The following CCP110 variants were observed in gnomAD, a reference collection of about 807,000 sequenced individuals.
CCP110 encodes centriolar coiled-coil protein 110.
Under a neutral mutation model 105.5 loss-of-function variants are expected in CCP110, and 43 were observed. That is an observed-to-expected ratio of 0.41 (90% CI 0.32 to 0.53). CCP110 has a LOEUF of 0.53. Among genes scored for constraint, CCP110 ranks in the 20% least tolerant of loss-of-function variants. The probability of loss-of-function intolerance (pLI) is 0.32; values close to 1 mark genes in which losing one functional copy is unlikely to be tolerated. For missense variants in CCP110, 1,016 were observed against 1,189.1 expected, an observed-to-expected ratio of 0.85 and a Z score of 2.14; for synonymous variants, 353 against 392.1, an observed-to-expected ratio of 0.90 and a Z score of 1.18.
rs919996336 is a variant in CCP110, at chr16:19,543,009, A to C, written c.2484+15A>C. 7.4e-7 allele frequency: 1 copy of C among 1,351,858 alleles called. No individual in the cohort carries two copies. Among genetic ancestry groups the C allele is most frequent in the Non-Finnish European group, 1.1e-6 (1 of 944,880 alleles). 83.7% of individuals were successfully genotyped at this position (1,351,858 alleles called of 1,614,324 possible). A position where few individuals can be genotyped will look rare whatever the true frequency, so the allele number is the denominator to read the frequency against. ...AAACTGTAAAAGTAAGATTCCTGTA[A>C]ATCGTTTGTATTTCACTTCTGTCTT... On this transcript the variant is annotated intron_variant, in intron 8 of 14. Coordinates refer to ENST00000381396, the Ensembl canonical transcript of CCP110.
intron 2 of CCP110, 113 bp from the exon 3 acceptor site, chr16:19,532,303 C>G: frequency 1.3e-6 from 1 of 782,080 alleles, no homozygotes; most frequent in East Asian, 2.9e-5. Context: ...ATTTCTTTCA[C>G]TATACATTAG....
chr16:19,537,192 A>T, exon 4 of CCP110: 2 of 1,614,188 alleles, frequency 1.2e-6, no homozygotes, highest in Non-Finnish European at 1.7e-6. Context: ...CATGAACCAT[A>T]TGCCAGCAGT....
rs372913262 is a variant in CCP110 at position 19,536,288 on chromosome 16, G to A, written c.619G>A (p.Val207Ile). Reference sequence around the variant, plus strand: ...TCTTATTTCTGATGGTCCCTTCTCAGTAAATGAACAACAGGATCTACCACT... The same window carrying A: ...TCTTATTTCTGATGGTCCCTTCTCAATAAATGAACAACAGGATCTACCACT... The change falls in exon 4 of 15, where the codon GTA becomes ATA. Residue 207 changes from valine to isoleucine, a missense_variant. Val to Ile is a conservative substitution (Grantham distance 29). Coordinates refer to ENST00000381396, the Ensembl canonical transcript of CCP110. 31 of 1,613,356 alleles carry A rather than the reference G, an allele frequency of 1.9e-5. No homozygotes were observed. The African/African-American group carries it at 3.9e-4, about 20-fold the overall frequency.
At chr16:19,549,390 A>G (rs945715204) in intron 14 of CCP110, among the ~76,000 whole-genome samples, 9 of 152,232 alleles carry the variant, frequency 5.9e-5, no homozygotes, top group African/African-American at 2.2e-4. Flanking sequence ...TTCCATTAAT[A>G]TACAATTAGG....
chr16:19,543,332 T>A (rs1419831066), intron 8 of CCP110, among the ~76,000 whole-genome samples: 1 of 152,232 alleles, frequency 6.6e-6, no homozygotes, highest in Admixed American at 6.5e-5. Flanking sequence ...CATTTATCAG[T>A]TCCCAAAATT....
At chr16:19,532,643 T>C (rs753716596) in intron 3 of CCP110, 99 bp downstream of exon 3, 1 of 911,738 alleles carries the variant, frequency 1.1e-6, no homozygotes, top group Non-Finnish European at 1.7e-6. Flanking sequence ...TAATTACTAA[T>C]GTACTTTACT....
intron 14 of CCP110, among the ~76,000 whole-genome samples, chr16:19,550,532 A>G (rs1471829896): frequency 6.6e-6 from 1 of 152,164 alleles, no homozygotes; most frequent in Non-Finnish European, 1.5e-5. Flanking sequence ...GAACACAGGA[A>G]CTCACTGTCG....
chr16:19,539,190 C>T (rs1302893108), intron 4 of CCP110, among the ~76,000 whole-genome samples: 5 of 151,736 alleles, frequency 3.3e-5, no homozygotes, highest in Admixed American at 1.3e-4. Flanking sequence ...TATCCATTAA[C>T]AGCAATTTAT....
intron 12 of CCP110, chr16:19,546,815 C>CA (rs11362495): frequency 0.013 from 1,251 of 100,002 alleles, 8 homozygotes; most frequent in Middle Eastern, 0.051. Flanking sequence ...AACTCTATCT[C>CA]AAAAAAAAAA....
intron 4 of CCP110, 68 bp downstream of exon 4, chr16:19,537,655 ATTTTTGGG>A: frequency 2.2e-6 from 2 of 906,892 alleles, no homozygotes; most frequent in Non-Finnish European, 3.3e-6. Flanking sequence ...CTTAATTGAC[ATTTTTGGG>A]AAAAAAGTGG....
chr16:19,553,055 A>G (rs1597287492), exon 15 of CCP110: 1 of 152,352 alleles, frequency 6.6e-6, no homozygotes, highest in East Asian at 1.9e-4. Flanking sequence ...CCAGTAAGAA[A>G]GATGCTAAAA....
At chr16:19,541,334 T>G (rs527413640) in intron 5 of CCP110, among the ~76,000 whole-genome samples, 7 of 151,828 alleles carry the variant, frequency 4.6e-5, no homozygotes, top group Non-Finnish European at 1.0e-4. Context: ...CTATACATTA[T>G]CACATATTAA....
intron 3 of CCP110, among the ~76,000 whole-genome samples, chr16:19,534,947 C>T (rs1309719338): frequency 7.6e-6 from 1 of 132,222 alleles, no homozygotes; most frequent in Non-Finnish European, 1.5e-5. Context: ...GTGACGTGAT[C>T]TTGGCTCACT....
intron 11 of CCP110, 23 bp downstream of exon 11, chr16:19,545,913 TGTTA>T: frequency 1.5e-6 from 2 of 1,369,602 alleles, no homozygotes; most frequent in Non-Finnish European, 2.1e-6. Flanking sequence ...TATCATGTCA[TGTTA>T]GTTATCAAAC....
exon 15 of CCP110, chr16:19,553,103 TA>T (rs1211351317): frequency 6.6e-6 from 1 of 152,234 alleles, no homozygotes; most frequent in Admixed American, 6.5e-5. Context: ...GCAAATTAGT[TA>T]AAACAAATAG....
chr16:19,544,870 C>T, exon 9 of CCP110: 1 of 1,597,864 alleles, frequency 6.3e-7, no homozygotes, highest in East Asian at 2.2e-5. Flanking sequence ...GCTCAAGATG[C>T]TTCACTTCAG....
chr16:19,540,010 T>G (rs1399931040), intron 4 of CCP110, among the ~76,000 whole-genome samples: 1 of 152,062 alleles, frequency 6.6e-6, no homozygotes, highest in Non-Finnish European at 1.5e-5. Flanking sequence ...CTCGAACTCC[T>G]GACCTCAAGT....
intron 2 of CCP110, 143 bp downstream of exon 2, chr16:19,528,165 T>A (rs1192385181): frequency 1.5e-6 from 1 of 678,386 alleles, no homozygotes; most frequent in East Asian, 3.0e-5. Flanking sequence ...TAGCATTTTT[T>A]ACTTACTATT....
intron 3 of CCP110, among the ~76,000 whole-genome samples, chr16:19,535,693 T>C (rs758530319): frequency 7.9e-5 from 12 of 151,606 alleles, no homozygotes; most frequent in Non-Finnish European, 1.5e-4. Flanking sequence ...AGATTAGATG[T>C]TTCTTTTTAT....
Sources: allele counts gnomAD v4.1 joint callset (sites outside exome capture counted in the v4.1 genomes callset), GRCh38; gene constraint gnomAD v4.1.1; transcripts MANE v1.5; gene names NCBI Gene and HGNC (gene_info 2026-07-23, HGNC 2026-07-21).